Variants in SCTR observed in about 807,000 individuals in gnomAD.
SCTR encodes pancreatic secretin receptor.
A neutral mutation model predicts 60.8 loss-of-function variants in SCTR; 56 were observed. The observed-to-expected ratio is 0.92, with a 90% confidence interval of 0.74 to 1.15. SCTR has a LOEUF of 1.15. SCTR is among the 50% of genes most tolerant of loss of function. SCTR has a pLI of 0.00. For synonymous variants in SCTR, 202 were observed against 217.0 expected, an observed-to-expected ratio of 0.93 and a Z score of 0.61; for missense variants, 562 against 550.4, an observed-to-expected ratio of 1.02 and a Z score of -0.21.
chr2:119,463,232 G>T (rs576482052), intron 6 of SCTR, among the ~76,000 whole-genome samples: 22 of 152,170 alleles, frequency 1.4e-4, no homozygotes, highest in Non-Finnish European at 1.8e-4. Context: ...TGCTTCCTTT[G>T]CGATTAAGTG....
At chr2:119,482,102 C>G (rs1677636918) in intron 2 of SCTR, among the ~76,000 whole-genome samples, 1 of 152,236 alleles carries the variant, frequency 6.6e-6, no homozygotes. Flanking sequence ...CCACCCAGCC[C>G]TCCACCCACC....
chr2:119,461,217 C>T (rs772946858), intron 7 of SCTR, among the ~76,000 whole-genome samples: 40 of 152,284 alleles, frequency 2.6e-4, no homozygotes, highest in Middle Eastern at 3.4e-3. Context: ...CAGTCAAAAG[C>T]GTTCTAATAC....
At position 119,473,150 on chromosome 2, in the gene SCTR, T is replaced by C. The variant is rs895182740; in HGVS notation, c.405+303A>G. Among the ~76,000 whole-genome samples, 7 of 152,306 alleles carry C rather than the reference T, an allele frequency of 4.6e-5. No homozygotes were observed. In the South Asian group the frequency reaches 1.0e-3, roughly 23 times the overall value. On this transcript the variant is annotated intron_variant, in intron 4 of 12. Transcript: ENST00000019103. ...CCTTGCTCTGAGCATTTAGCCACTATGTTAGCGTCTCTTTCAGTTGAATGA... is the reference window on the plus strand; with the variant it reads ...CCTTGCTCTGAGCATTTAGCCACTACGTTAGCGTCTCTTTCAGTTGAATGA...
At chr2:119,494,151 C>A (rs999042657) in intron 2 of SCTR, among the ~76,000 whole-genome samples, 3 of 152,144 alleles carry the variant, frequency 2.0e-5, no homozygotes, top group African/African-American at 7.2e-5. Context: ...CAAGCTCTTA[C>A]GTTGGCCAAG....
chr2:119,487,602 C>T (rs1249372933), intron 2 of SCTR, among the ~76,000 whole-genome samples: 2 of 152,144 alleles, frequency 1.3e-5, no homozygotes, highest in African/African-American at 4.8e-5. Context: ...GAGCCATGGC[C>T]CTTCCACCTG....
intron 2 of SCTR, among the ~76,000 whole-genome samples, chr2:119,483,390 C>T (rs1677718934): frequency 6.6e-6 from 1 of 152,170 alleles, no homozygotes; most frequent in Non-Finnish European, 1.5e-5. Context: ...CTCAGCCTTC[C>T]CATCTCCCCA....
intron 4 of SCTR, among the ~76,000 whole-genome samples, chr2:119,467,775 G>A (rs6733113): frequency 0.099 from 14,982 of 152,036 alleles, 2,391 homozygotes; most frequent in African/African-American, 0.34. Context: ...ATGGTATACC[G>A]CTAATAAAAT....
intron 11 of SCTR, among the ~76,000 whole-genome samples, chr2:119,445,870 G>C (rs1682907171): frequency 1.3e-5 from 2 of 152,198 alleles, no homozygotes; most frequent in African/African-American, 4.8e-5. Context: ...ATTTGTTTCT[G>C]TGTAGCAACC....
intron 9 of SCTR, among the ~76,000 whole-genome samples, chr2:119,450,164 G>T (rs1239470030): frequency 6.6e-6 from 1 of 152,024 alleles, no homozygotes; most frequent in Non-Finnish European, 1.5e-5. Context: ...AAGCAAGCAA[G>T]CAGAAAACAA....
At chr2:119,492,829 TTA>T (rs1678187692) in intron 2 of SCTR, among the ~76,000 whole-genome samples, 1 of 128,086 alleles carries the variant, frequency 7.8e-6, no homozygotes, top group African/African-American at 2.9e-5. Context: ...TTTTACTTTT[TTA>T]ATATTTATTT....
At chr2:119,445,637 C>T (rs528364073) in intron 11 of SCTR, among the ~76,000 whole-genome samples, 3 of 152,280 alleles carry the variant, frequency 2.0e-5, no homozygotes, top group South Asian at 2.1e-4. Context: ...ATCGCCCTAC[C>T]GTGGAAATGT....
chr2:119,486,658 G>T (rs1677879554), intron 2 of SCTR: 1 of 152,192 alleles, frequency 6.6e-6, no homozygotes, highest in African/African-American at 2.4e-5. Flanking sequence ...GCAAAGCTGA[G>T]TCCTGTTTCG....
intron 7 of SCTR, among the ~76,000 whole-genome samples, chr2:119,455,920 C>T (rs989981257): frequency 2.0e-5 from 3 of 152,064 alleles, no homozygotes; most frequent in Non-Finnish European, 4.4e-5. Context: ...ATCCCTGTGA[C>T]ATTTCAGAAC....
chr2:119,468,687 C>A (rs542935785), intron 4 of SCTR, among the ~76,000 whole-genome samples: 4 of 152,174 alleles, frequency 2.6e-5, no homozygotes, highest in Non-Finnish European at 5.9e-5. Flanking sequence ...TAGCTTTATT[C>A]TCAGTTACAC....
chr2:119,510,416 G>T (rs908374427), intron 1 of SCTR, among the ~76,000 whole-genome samples: 2 of 152,122 alleles, frequency 1.3e-5, no homozygotes, highest in South Asian at 2.1e-4. Context: ...AGAGGGACTG[G>T]GGTCCCCAGG....
At chr2:119,463,062 T>TACAC (rs35496213) in intron 6 of SCTR, among the ~76,000 whole-genome samples, 221 of 148,400 alleles carry the variant, frequency 1.5e-3, no homozygotes, top group Middle Eastern at 6.9e-3. Context: ...AGTCAGAAAA[T>TACAC]ACACACACAC....
intron 2 of SCTR, chr2:119,486,484 C>G (rs1677870229): frequency 6.6e-6 from 1 of 152,200 alleles, no homozygotes; most frequent in Non-Finnish European, 1.5e-5. Context: ...CTCACCTGAC[C>G]TAAAGCTCTT....
intron 11 of SCTR, among the ~76,000 whole-genome samples, chr2:119,443,331 T>C (rs577777044): frequency 3.3e-5 from 5 of 152,276 alleles, no homozygotes; most frequent in Admixed American, 6.5e-5. Flanking sequence ...ACAAGCAAGA[T>C]ACAAAACCAT....
At chr2:119,511,972 A>C (rs1483594799) in intron 1 of SCTR, among the ~76,000 whole-genome samples, 1 of 152,114 alleles carries the variant, frequency 6.6e-6, no homozygotes, top group Non-Finnish European at 1.5e-5. Flanking sequence ...TTCTGATTCC[A>C]AATCTTTTGT....
Sources: gnomAD v4.1 joint callset for allele counts (sites outside exome capture counted in the v4.1 genomes callset) on GRCh38, gnomAD v4.1.1 for gene constraint, MANE v1.5 for transcripts, NCBI Gene and HGNC (gene_info 2026-07-23, HGNC 2026-07-21) for gene names.